Variants in CDH10 observed in about 807,000 individuals in gnomAD.
The protein encoded by CDH10 is cadherin 10.
Under a neutral mutation model 73.1 loss-of-function variants are expected in CDH10, and 30 were observed. That is an observed-to-expected ratio of 0.41 (90% CI 0.31 to 0.56). CDH10 has a LOEUF of 0.56. Among genes scored for constraint, CDH10 ranks in the 20% least tolerant of loss-of-function variants. CDH10 has a pLI of 0.27. For missense variants in CDH10, 815 were observed against 973.7 expected, an observed-to-expected ratio of 0.84 and a Z score of 2.17; for synonymous variants, 345 against 348.2, an observed-to-expected ratio of 0.99 and a Z score of 0.10.
At chr5:24,526,266 A>C (rs1743527906) in intron 5 of CDH10, among the ~76,000 whole-genome samples, 1 of 151,958 alleles carries the variant, frequency 6.6e-6, no homozygotes, top group Admixed American at 6.6e-5. Flanking sequence ...GCAACTTTCC[A>C]CTGGACTAAC....
intron 9 of CDH10, among the ~76,000 whole-genome samples, chr5:24,496,071 T>C (rs1233044880): frequency 6.6e-6 from 1 of 152,134 alleles, no homozygotes; most frequent in Non-Finnish European, 1.5e-5. Flanking sequence ...TAAGTTTTCA[T>C]ATGTTTTAGC....
At chr5:24,610,804 T>A (rs888986021) in intron 1 of CDH10, among the ~76,000 whole-genome samples, 26 of 152,124 alleles carry the variant, frequency 1.7e-4, no homozygotes, top group African/African-American at 5.8e-4. Context: ...GTAAACAGGT[T>A]AGGGCTGGAG....
At chr5:24,641,481 A>AT (rs1473341399) in intron 1 of CDH10, among the ~76,000 whole-genome samples, 2 of 151,900 alleles carry the variant, frequency 1.3e-5, no homozygotes, top group Non-Finnish European at 2.9e-5. Context: ...TAGGACTTGT[A>AT]TTTTTTCTGT....
At chr5:24,583,769 T>G (rs1224181354) in intron 2 of CDH10, among the ~76,000 whole-genome samples, 1 of 152,130 alleles carries the variant, frequency 6.6e-6, no homozygotes, top group Non-Finnish European at 1.5e-5. Context: ...CTCAGCCTCC[T>G]GAATAGCTGG....
intron 2 of CDH10, among the ~76,000 whole-genome samples, chr5:24,586,535 C>T (rs113342305): frequency 2.9e-4 from 44 of 149,786 alleles, no homozygotes; most frequent in African/African-American, 1.0e-3. Flanking sequence ...CTCCGCCTCC[C>T]GGGTTCAAGC....
intron 5 of CDH10, among the ~76,000 whole-genome samples, chr5:24,528,470 G>T (rs1039954661): frequency 1.3e-5 from 2 of 151,866 alleles, no homozygotes; most frequent in African/African-American, 4.8e-5. Context: ...ACCAGGCAGG[G>T]ATTATGATAG....
intron 5 of CDH10, among the ~76,000 whole-genome samples, chr5:24,528,031 A>C (rs557036438): frequency 2.6e-4 from 40 of 152,028 alleles, no homozygotes; most frequent in African/African-American, 9.4e-4. Context: ...GGCTTCGGTC[A>C]ATGTTTAATA....
At chr5:24,564,172 A>C (rs1450608799) in intron 2 of CDH10, among the ~76,000 whole-genome samples, 1 of 152,148 alleles carries the variant, frequency 6.6e-6, no homozygotes, top group Non-Finnish European at 1.5e-5. Flanking sequence ...CTTTCCCCAG[A>C]CCCTCTTCAT....
chr5:24,529,540 TCAATAATC>T (rs1370704160), intron 5 of CDH10, among the ~76,000 whole-genome samples: 1 of 152,130 alleles, frequency 6.6e-6, no homozygotes, highest in East Asian at 1.9e-4. Flanking sequence ...GTCACTATTC[TCAATAATC>T]CATGGGAAAT....
chr5:24,506,632 T>A (rs1189768810), intron 7 of CDH10, among the ~76,000 whole-genome samples: 1 of 152,174 alleles, frequency 6.6e-6, no homozygotes, highest in Non-Finnish European at 1.5e-5. Flanking sequence ...TGAGTATTAT[T>A]TGATTATCAT....
intron 5 of CDH10, among the ~76,000 whole-genome samples, chr5:24,518,830 G>A (rs1399047164): frequency 6.6e-6 from 1 of 150,782 alleles, no homozygotes; most frequent in Non-Finnish European, 1.5e-5. Flanking sequence ...CAGTGAGATG[G>A]TAATTTCTAA....
intron 5 of CDH10, among the ~76,000 whole-genome samples, chr5:24,533,594 T>G (rs1191945602): frequency 6.6e-6 from 1 of 152,054 alleles, no homozygotes; most frequent in Non-Finnish European, 1.5e-5. Context: ...TTTTGCTCAT[T>G]GTGGATTATG....
intron 2 of CDH10, among the ~76,000 whole-genome samples, chr5:24,553,064 C>G (rs1744608725): frequency 6.6e-6 from 1 of 152,132 alleles, no homozygotes; most frequent in African/African-American, 2.4e-5. Context: ...TACATGGACT[C>G]TCTTGTTGGG....
In CDH10 at chr5:24,593,412, T is replaced by C; in HGVS notation, c.79A>G (p.Arg27Gly). Residue 27 changes from arginine (R) to glycine (G), a missense_variant, in exon 2 of 12, where the codon AGA becomes GGA. Transcript: ENST00000264463. ...CTTTGCTGTGGCACAGGCGTCCTTCTGAACATTATTTCTGGAGAGCAGAAA... is the reference window on the plus strand; with the variant it reads ...CTTTGCTGTGGCACAGGCGTCCTTCCGAACATTATTTCTGGAGAGCAGAAA... Reference protein sequence around the residue: ...PHFCSPEIMFRRTPVPQQRIL... With the variant: ...PHFCSPEIMFGRTPVPQQRIL... The C allele has an allele frequency of 1.2e-6, 2 of 1,612,780 alleles. No homozygotes were observed. The highest frequency in any genetic ancestry group is 8.5e-7 in the Non-Finnish European group (1 of 1,178,954).
chr5:24,495,091 T>G (rs1048534687), intron 9 of CDH10, among the ~76,000 whole-genome samples: 7 of 152,170 alleles, frequency 4.6e-5, no homozygotes, highest in Non-Finnish European at 1.0e-4. Context: ...AAATGTGCCG[T>G]AAAGACTGGT....
chr5:24,574,297 C>A (rs751013020), intron 2 of CDH10, among the ~76,000 whole-genome samples: 1 of 152,012 alleles, frequency 6.6e-6, no homozygotes, highest in Admixed American at 6.6e-5. Flanking sequence ...TTTTCAAAAT[C>A]CATCAGTGAT....
intron 1 of CDH10, among the ~76,000 whole-genome samples, chr5:24,626,792 A>ATATGTG (rs991988107): frequency 5.9e-4 from 88 of 149,050 alleles, no homozygotes; most frequent in African/African-American, 2.1e-3. Context: ...ATATATATAT[A>ATATGTG]TGTGTGTGTG....
intron 5 of CDH10, among the ~76,000 whole-genome samples, chr5:24,525,813 T>C (rs1393029145): frequency 6.6e-6 from 1 of 152,092 alleles, no homozygotes; most frequent in East Asian, 1.9e-4. Flanking sequence ...AGTTTCCTGT[T>C]CAAGCTACTG....
At chr5:24,610,788 A>G (rs184844139) in intron 1 of CDH10, among the ~76,000 whole-genome samples, 24 of 152,284 alleles carry the variant, frequency 1.6e-4, no homozygotes, top group Admixed American at 1.3e-3. Flanking sequence ...AAGAAGTTAG[A>G]AAAATGTAAA....
Sources: allele counts gnomAD v4.1 joint callset (sites outside exome capture counted in the v4.1 genomes callset), GRCh38; gene constraint gnomAD v4.1.1; transcripts MANE v1.5; gene names NCBI Gene and HGNC (gene_info 2026-07-23, HGNC 2026-07-21).